PCDHA1: variants seen among roughly 807,000 people sequenced by gnomAD.
The protein encoded by PCDHA1 is protocadherin alpha-1.
A neutral mutation model predicts 61.3 loss-of-function variants in PCDHA1; 42 were observed. The observed-to-expected ratio is 0.69, with a 90% CI of 0.54 to 0.89. The LOEUF is 0.89. PCDHA1 is among the 40% of genes least tolerant of loss of function. The pLI is 0.00. For synonymous variants in PCDHA1, 610 were observed against 553.8 expected (o/e 1.10, Z -1.43); for missense variants, 1,256 against 1,235.3 (o/e 1.02, Z -0.25).
intron 1 of PCDHA1, among the ~76,000 whole-genome samples, chr5:140,935,315 A>G (rs552631416): frequency 5.9e-5 from 9 of 152,306 alleles, no homozygotes; most frequent in East Asian, 5.8e-4. Context: ...AACTTCATCA[A>G]TCTTACATTC....
At chr5:140,957,289 C>T (rs1235564629) in intron 1 of PCDHA1, among the ~76,000 whole-genome samples, 1 of 152,162 alleles carries the variant, frequency 6.6e-6, no homozygotes, top group Non-Finnish European at 1.5e-5. Context: ...CCTGCAGTTT[C>T]ACTCTGAGCA....
intron 1 of PCDHA1, chr5:140,850,572 C>T: frequency 6.3e-7 from 1 of 1,598,416 alleles, no homozygotes; most frequent in South Asian, 1.1e-5. Flanking sequence ...CGAGGTGACG[C>T]TGGTGGATGT....
intron 1 of PCDHA1, among the ~76,000 whole-genome samples, chr5:140,961,023 A>G (rs1216128174): frequency 6.6e-6 from 1 of 152,146 alleles, no homozygotes. Flanking sequence ...GACACTTGCT[A>G]CCTCCTTGTT....
chr5:140,915,363 G>C (rs1554196864), intron 1 of PCDHA1, among the ~76,000 whole-genome samples: 1 of 152,136 alleles, frequency 6.6e-6, no homozygotes, highest in Non-Finnish European at 1.5e-5. Context: ...ATTCTTACCA[G>C]TAAGTGTCTC....
chr5:140,806,621 A>C (rs1228177871), intron 1 of PCDHA1, among the ~76,000 whole-genome samples: 2 of 144,986 alleles, frequency 1.4e-5, no homozygotes, highest in Admixed American at 7.1e-5. Context: ...CAAGTCAACA[A>C]CACCAGAAAT....
At chr5:140,926,771 A>G in intron 1 of PCDHA1, 3 of 1,372,492 alleles carry the variant, frequency 2.2e-6, no homozygotes, top group Admixed American at 3.2e-5. Context: ...TCCAGCCCGC[A>G]GCAGTGACGG....
At chr5:140,813,163 A>G (rs1312537923) in intron 1 of PCDHA1, 2 of 152,282 alleles carry the variant, frequency 1.3e-5, no homozygotes, top group Non-Finnish European at 1.5e-5. Context: ...CATTTCAGCT[A>G]TAGTGTTGTT....
intron 1 of PCDHA1, chr5:140,856,146 C>T: frequency 6.3e-7 from 1 of 1,598,308 alleles, no homozygotes; most frequent in Middle Eastern, 1.7e-4. Flanking sequence ...CTCCACTACT[C>T]AGTCTACGAG....
At chr5:140,928,942 T>G in intron 1 of PCDHA1, 1 of 1,614,062 alleles carries the variant, frequency 6.2e-7, no homozygotes, top group Non-Finnish European at 8.5e-7. Flanking sequence ...GAACTTGTAT[T>G]TAGTAATTGC....
chr5:140,786,229 T>C lies in PCDHA1; in HGVS notation c.-62T>C. 1 of 1,508,626 alleles carries C rather than the reference T, an allele frequency of 6.6e-7. No individual in the cohort carries two copies. Among genetic ancestry groups the C allele is most frequent in the East Asian group, 2.3e-5 (1 of 44,138 alleles). 93.5% of individuals were successfully genotyped at this position (1,508,626 alleles called of 1,614,324 possible). On this transcript the variant is annotated 5_prime_UTR_variant, in exon 1 of 4. Transcript: ENST00000504120. Reference sequence around the variant, plus strand: ...TAAAGAGATAAATGATTGGAAATATTAGATAAAATGGCATGATTTTGAAGT... The same window carrying C: ...TAAAGAGATAAATGATTGGAAATATCAGATAAAATGGCATGATTTTGAAGT...
chr5:140,927,917 TC>T (rs1554205257), intron 1 of PCDHA1: 2 of 1,614,182 alleles, frequency 1.2e-6, no homozygotes, highest in Non-Finnish European at 8.5e-7. Flanking sequence ...GAACTGGACT[TC>T]CTGACTCTTT....
intron 1 of PCDHA1, chr5:140,810,078 A>G (rs998487712): frequency 6.5e-6 from 1 of 153,876 alleles, no homozygotes; most frequent in Non-Finnish European, 1.4e-5. Flanking sequence ...AACGTTATCT[A>G]ATTGGACTTG....
Position 141,009,742 on chromosome 5 carries a change from C to A in PCDHA1, c.2658C>A (p.Asp886Glu). 6.2e-7 allele frequency: 1 copy of A among 1,614,160 alleles called. No individual in the cohort carries two copies. Among genetic ancestry groups the A allele is most frequent in the Non-Finnish European group, 8.5e-7 (1 of 1,180,038 alleles). The part of the protein sequence containing the change: ...PKQSGPGELP[D>E]KFIIPGSPAI... ...AATCCGGTCCCGGTGAGTTGCCCGA[C>A]AAATTCATTATCCCAGGATCTCCTG... is the stretch of plus-strand genomic sequence containing the variant. The change falls in exon 4 of 4, where the codon GAC becomes GAA. Residue 886 changes from aspartate to glutamate, a missense_variant. By Grantham distance (45) the Asp-to-Glu change is conservative. Coordinates refer to ENST00000504120, the MANE Select transcript of PCDHA1 (RefSeq NM_018900.4).
Position 140,909,713 on chromosome 5 carries a change from C to G in PCDHA1, c.2395-69236C>G, listed in dbSNP as rs6870083. 8.9e-3 allele frequency among the ~76,000 whole-genome samples: 1,356 copies of G among 152,266 alleles called. 15 individuals carry two copies. The highest frequency in any genetic ancestry group is 0.032 in the African/African-American group (1,312 of 41,548). ...GGGTTCTGCTAGCTGCTAAGTATAC[C>G]TATGCCAATTATGCATTCTGGCACT... is the stretch of plus-strand genomic sequence containing the variant. On this transcript the variant is annotated intron_variant, in intron 1 of 3. Transcript: ENST00000504120.
chr5:140,850,133 C>T, intron 1 of PCDHA1: 1 of 1,595,806 alleles, frequency 6.3e-7, no homozygotes, highest in Non-Finnish European at 8.6e-7. Flanking sequence ...CGCCTCTGGG[C>T]AGCAACGTGA....
At chr5:140,843,912 C>T in intron 1 of PCDHA1, 1 of 634,402 alleles carries the variant, frequency 1.6e-6, no homozygotes, top group East Asian at 2.9e-5. Flanking sequence ...CAAGTTGGGT[C>T]TATCTTGAAA....
intron 1 of PCDHA1, chr5:140,870,111 G>A (rs112749867): frequency 6.8e-6 from 11 of 1,613,880 alleles, no homozygotes; most frequent in Non-Finnish European, 9.3e-6. Flanking sequence ...GTACAGTCTG[G>A]GTGGAAATCT....
intron 1 of PCDHA1, chr5:140,834,285 A>G: frequency 8.5e-7 from 1 of 1,171,912 alleles, no homozygotes; most frequent in South Asian, 1.5e-5. Context: ...TGGATGCACA[A>G]CAATGGCCAC....
At chr5:140,875,221 A>G (rs2055359390) in intron 1 of PCDHA1, 3 of 759,332 alleles carry the variant, frequency 4.0e-6, no homozygotes, top group South Asian at 3.3e-5. Flanking sequence ...AAAGAACCTC[A>G]GGATCTTTCT....
Sources: gnomAD v4.1 joint callset for allele counts (sites outside exome capture counted in the v4.1 genomes callset) on GRCh38, gnomAD v4.1.1 for gene constraint, MANE v1.5 for transcripts, NCBI Gene and HGNC (gene_info 2026-07-23, HGNC 2026-07-21) for gene names.